The following AAK1 variants were observed in gnomAD, a reference collection of about 807,000 sequenced individuals.
AAK1 encodes the protein AP2 associated kinase 1.
Under a neutral mutation model 116.0 loss-of-function variants are expected in AAK1, and 37 were observed. The ratio of observed to expected loss-of-function variants is 0.32; its 90% CI spans 0.25 to 0.42. The LOEUF is 0.42. Among genes scored for constraint, AAK1 ranks in the 10% least tolerant of loss-of-function variants. AAK1 has a pLI of 1.00. For missense variants in AAK1, 919 were observed against 1,170.6 expected (o/e 0.79, Z 3.14); for synonymous variants, 458 against 439.9 (o/e 1.04, Z -0.51).
intron 3 of AAK1, among the ~76,000 whole-genome samples, chr2:69,553,765 T>G (rs555238778): frequency 6.6e-6 from 1 of 151,414 alleles, no homozygotes; most frequent in African/African-American, 2.4e-5. Context: ...TCAAAAAAAT[T>G]TATCTACCAT....
At position 69,468,911 on chromosome 2, in the gene AAK1, T is replaced by A; in HGVS notation, c.*6958A>T. 7 of 985,450 alleles carry A rather than the reference T, an allele frequency of 7.1e-6. No homozygotes were observed. The highest frequency in any genetic ancestry group is 7.2e-6 in the Non-Finnish European group (6 of 829,938). The allele number at this position is 985,450 out of a possible 1,614,324, so 61.0% of individuals were successfully genotyped here. A position where few individuals can be genotyped will look rare whatever the true frequency, so the allele number is the denominator to read the frequency against. On this transcript the variant is annotated 3_prime_UTR_variant, in exon 22 of 22. Transcript: ENST00000409085. ...ACCTTCCAACTCAGAGCATATTCTA[T>A]GACCTTCATGATGAGTACTGGGAAA...
At chr2:69,576,613 G>A (rs1419631978) in intron 2 of AAK1, among the ~76,000 whole-genome samples, 1 of 152,070 alleles carries the variant, frequency 6.6e-6, no homozygotes, top group Non-Finnish European at 1.5e-5. Flanking sequence ...TTCTGTTCCT[G>A]CATTAGTTTT....
At chr2:69,601,671 TAA>T (rs60252050) in intron 2 of AAK1, among the ~76,000 whole-genome samples, 2 of 144,930 alleles carry the variant, frequency 1.4e-5, no homozygotes, top group Non-Finnish European at 1.5e-5. Flanking sequence ...GGTAGTGAGT[TAA>T]AAAAAAAAAA....
chr2:69,575,429 T>C (rs965430937), intron 2 of AAK1, among the ~76,000 whole-genome samples: 11 of 151,830 alleles, frequency 7.2e-5, no homozygotes, highest in African/African-American at 2.2e-4. Flanking sequence ...TTTTTAAAAA[T>C]TGAAATTAGG....
chr2:69,622,936 C>G (rs916698626), intron 2 of AAK1, among the ~76,000 whole-genome samples: 1 of 152,032 alleles, frequency 6.6e-6, no homozygotes, highest in African/African-American at 2.4e-5. Flanking sequence ...GACCAATCGG[C>G]TCTCTGTAAA....
intron 16 of AAK1, among the ~76,000 whole-genome samples, chr2:69,504,254 G>A (rs374350200): frequency 1.3e-5 from 2 of 151,384 alleles, no homozygotes; most frequent in African/African-American, 2.4e-5. Context: ...AACATTAGCC[G>A]GCCATAGTGG....
intron 2 of AAK1, among the ~76,000 whole-genome samples, chr2:69,613,206 G>C (rs935502260): frequency 6.6e-6 from 1 of 152,176 alleles, no homozygotes; most frequent in African/African-American, 2.4e-5. Flanking sequence ...AAGACCCCAG[G>C]AAGAGGGGAA....
At chr2:69,590,253 C>G (rs374241252) in intron 2 of AAK1, among the ~76,000 whole-genome samples, 34 of 152,260 alleles carry the variant, frequency 2.2e-4, no homozygotes, top group Non-Finnish European at 4.1e-4. Flanking sequence ...AAAAAGAGGC[C>G]GACTGGAACC....
At chr2:69,553,947 T>G (rs1175137420) in intron 3 of AAK1, among the ~76,000 whole-genome samples, 4 of 150,524 alleles carry the variant, frequency 2.7e-5, no homozygotes, top group African/African-American at 9.8e-5. Context: ...TCTGGTGGCA[T>G]GTGCCTATAG....
At chr2:69,478,928 C>A (rs761796974) in intron 20 of AAK1, 23 bp downstream of exon 20, 2 of 1,555,610 alleles carry the variant, frequency 1.3e-6, no homozygotes, top group Non-Finnish European at 1.8e-6. Context: ...CACATGTGGG[C>A]CTGAGAAGAA....
chr2:69,588,268 G>C (rs140451594), intron 2 of AAK1, among the ~76,000 whole-genome samples: 130 of 152,274 alleles, frequency 8.5e-4, no homozygotes, highest in African/African-American at 3.0e-3. Context: ...CTTAACAAAT[G>C]TTCATCCCTG....
rs369666616 is a variant in AAK1 at position 69,478,931 on chromosome 2, G to C, written c.2680+20C>G. 11 of 1,568,978 alleles carry C rather than the reference G, an allele frequency of 7.0e-6. No homozygotes were observed. In the African/African-American group the frequency reaches 1.2e-4, roughly 17 times the overall value. On this transcript the variant is annotated intron_variant, in intron 20 of 21. Coordinates refer to ENST00000409085, the MANE Select transcript of AAK1 (RefSeq NM_014911.5). The stretch of plus-strand genomic sequence containing the variant: ...CCCCTCTAAGGACACATGTGGGCCT[G>C]AGAAGAAGAAAGCATTTACCTTTAT...
chr2:69,495,516 T>A (rs1675702788), intron 17 of AAK1, among the ~76,000 whole-genome samples: 1 of 152,180 alleles, frequency 6.6e-6, no homozygotes, highest in Non-Finnish European at 1.5e-5. Context: ...TCCCTAATTA[T>A]CATTATGTGT....
chr2:69,481,554 C>G (rs1473458934), intron 18 of AAK1: 1 of 152,452 alleles, frequency 6.6e-6, no homozygotes, highest in Non-Finnish European at 1.5e-5. Flanking sequence ...AGGCCTACCC[C>G]TATGCAAGGT....
chr2:69,556,993 C>T lies in AAK1; in HGVS notation c.164-15G>A. 6.3e-7 allele frequency: 1 copy of T among 1,586,758 alleles called. No individual in the cohort carries two copies. Among genetic ancestry groups the T allele is most frequent in the South Asian group, 1.1e-5 (1 of 90,352 alleles). On this transcript the variant is annotated splice_polypyrimidine_tract_variant and intron_variant, in intron 2 of 21. Coordinates refer to ENST00000409085, the MANE Select transcript of AAK1 (RefSeq NM_014911.5). ...AGCAAATCCACCTGTGAGAGAAACA[C>T]ACACAAGCTCTTTTGAGTCAATGTT...
chr2:69,529,951 A>G lies in AAK1; in HGVS notation c.871+57T>C, dbSNP rs1291822177. 2.9e-6 allele frequency: 4 copies of G among 1,393,462 alleles called. No homozygotes were observed. In the African/African-American group the frequency reaches 4.4e-5, roughly 15 times the overall value. The allele number at this position is 1,393,462 out of a possible 1,614,324, so 86.3% of individuals were successfully genotyped here. ...CTGGAATCTAATCCCTTTATCCCCC[A>G]ATTCATTCTTTGTGATTAGAAATAA... On this transcript the variant is annotated intron_variant, in intron 8 of 21. Coordinates refer to ENST00000409085, the MANE Select transcript of AAK1 (RefSeq NM_014911.5).
At chr2:69,505,544 C>T (rs996269526) in intron 16 of AAK1, 25 bp downstream of exon 16, 22 of 1,596,266 alleles carry the variant, frequency 1.4e-5, no homozygotes, top group Non-Finnish European at 1.8e-5. Flanking sequence ...GTGAACCTCC[C>T]GTTCCAGGTA....
chr2:69,492,877 A>G (rs571061073), intron 17 of AAK1, among the ~76,000 whole-genome samples: 3 of 151,930 alleles, frequency 2.0e-5, no homozygotes, highest in Non-Finnish European at 4.4e-5. Context: ...GCATGTATGC[A>G]AAACAAAGAA....
At chr2:69,633,142 C>A (rs1169570233) in intron 2 of AAK1, among the ~76,000 whole-genome samples, 2 of 149,942 alleles carry the variant, frequency 1.3e-5, no homozygotes, top group African/African-American at 2.5e-5. Flanking sequence ...TGGCATGAAC[C>A]CGGGAGGTGG....
Sources: gnomAD v4.1 joint callset for allele counts (sites outside exome capture counted in the v4.1 genomes callset) on GRCh38, gnomAD v4.1.1 for gene constraint, MANE v1.5 for transcripts, NCBI Gene and HGNC (gene_info 2026-07-23, HGNC 2026-07-21) for gene names.